The following BCR variants were observed in gnomAD, a reference collection of about 807,000 sequenced individuals.
BCR encodes the protein breakpoint cluster region protein.
BCR carries 58 observed loss-of-function variants against 138.6 expected under a neutral mutation model. That is an observed-to-expected ratio of 0.42 (90% CI 0.34 to 0.52). The LOEUF (loss-of-function observed/expected upper bound fraction) is 0.52. BCR is among the 20% of genes least tolerant of loss of function. BCR has a pLI of 0.06. For synonymous variants in BCR, 786 were observed against 730.1 expected, an observed-to-expected ratio of 1.08 and a Z score of -1.23; for missense variants, 1,599 against 1,727.2, an observed-to-expected ratio of 0.93 and a Z score of 1.32.
chr22:23,258,192 T>C (rs1376664156), intron 2 of BCR, among the ~76,000 whole-genome samples: 1 of 152,206 alleles, frequency 6.6e-6, no homozygotes, highest in African/African-American at 2.4e-5. Flanking sequence ...CCGGGCATGC[T>C]GACACCTCAT....
At chr22:23,263,458 T>A in intron 4 of BCR, 1 of 1,451,868 alleles carries the variant, frequency 6.9e-7, no homozygotes, top group South Asian at 1.1e-5. Flanking sequence ...GGGATTCTGC[T>A]GAAGTGGAGA....
intron 2 of BCR, among the ~76,000 whole-genome samples, chr22:23,259,213 G>A (rs562947288): frequency 6.6e-6 from 1 of 152,360 alleles, no homozygotes; most frequent in South Asian, 2.1e-4. Context: ...TAAAGAACAG[G>A]AGTTTATTTT....
intron 1 of BCR, among the ~76,000 whole-genome samples, chr22:23,197,447 ATTATTC>A (rs1364876987): frequency 1.3e-5 from 2 of 152,184 alleles, no homozygotes; most frequent in Non-Finnish European, 2.9e-5. Flanking sequence ...TTACATTTAT[ATTATTC>A]TTATTGTTGG....
chr22:23,197,559 C>G (rs994326989), intron 1 of BCR, among the ~76,000 whole-genome samples: 5 of 152,128 alleles, frequency 3.3e-5, no homozygotes, highest in African/African-American at 1.2e-4. Context: ...CAGAAAGTAG[C>G]AGGCTCTGGT....
rs753502630 is a variant in BCR at position 23,181,519 on chromosome 22, G to C, written c.559G>C (p.Gly187Arg). ...GAACGTCGAGTTTCACCACGAGCGC[G>C]GCCTGGTGAAGGTCAACGACAAAGA... ...YVNVEFHHERGLVKVNDKEVS... is the reference protein window; with the variant it reads ...YVNVEFHHERRLVKVNDKEVS... The change falls in exon 1 of 23, where the codon GGC (glycine) becomes CGC (arginine). Residue 187 changes from glycine (G) to arginine (R), a missense_variant. Around this residue, in one of 4 missense-constraint regions of BCR, gnomAD observed 806 missense variants for 635.0 expected, o/e 1.27. Transcript: ENST00000305877. 1.2e-6 allele frequency: 2 copies of C among 1,612,596 alleles called. No individual in the cohort carries two copies. Among genetic ancestry groups the C allele is most frequent in the Non-Finnish European group, 1.7e-6 (2 of 1,179,678 alleles).
chr22:23,284,233 C>T lies in BCR; in HGVS notation c.2237+135C>T. 11 of 1,342,850 alleles carry T rather than the reference C, an allele frequency of 8.2e-6. No individual in the cohort carries two copies. The South Asian group carries it at 1.5e-4, about 18-fold the overall frequency. The allele number at this position is 1,342,850 out of a possible 1,614,324, so 83.2% of individuals were successfully genotyped here. On this transcript the variant is annotated intron_variant, in intron 9 of 22. Transcript: ENST00000305877. ...GTTTCTACTTGGGCACAATGCCAGGCTCCAGGTTAAAGATTGTCACTAGCA... is the reference window on the plus strand; with the variant it reads ...GTTTCTACTTGGGCACAATGCCAGGTTCCAGGTTAAAGATTGTCACTAGCA...
chr22:23,186,704 G>A (rs1274842154), intron 1 of BCR, among the ~76,000 whole-genome samples: 3 of 152,144 alleles, frequency 2.0e-5, no homozygotes, highest in Non-Finnish European at 4.4e-5. Context: ...TCATCCATGT[G>A]ATGGCAGAAA....
At chr22:23,272,953 C>A in intron 6 of BCR, 128 bp from the exon 7 acceptor site, 1 of 973,964 alleles carries the variant, frequency 1.0e-6, no homozygotes, top group Non-Finnish European at 1.6e-6. Context: ...TGTCACTGCG[C>A]AGAGGGGAGA....
chr22:23,285,258 C>A, intron 10 of BCR, 57 bp downstream of exon 10: 2 of 1,535,042 alleles, frequency 1.3e-6, no homozygotes, highest in East Asian at 2.4e-5. Context: ...CAGCAGCCCC[C>A]GCACACGGCC....
intron 8 of BCR, among the ~76,000 whole-genome samples, chr22:23,279,622 TC>T (rs1405838473): frequency 6.6e-6 from 1 of 152,220 alleles, no homozygotes; most frequent in Non-Finnish European, 1.5e-5. Context: ...ACCTTGGTCT[TC>T]ACTTGGGCCG....
Position 23,315,416 on chromosome 22 carries a change from CT to C in BCR, c.3727-16del. The C allele has an allele frequency of 6.2e-7, 1 of 1,612,960 alleles. No homozygotes were observed. Among genetic ancestry groups the C allele is most frequent in the Non-Finnish European group, 8.5e-7 (1 of 1,179,250 alleles). On this transcript the variant is annotated splice_polypyrimidine_tract_variant and intron_variant, in intron 22 of 22. Transcript: ENST00000305877. ...CCGCTCTGAGCCACTCTTCTCTTCCCTACTCTGCCCGGGCAGGTCCAGGTGC... is the reference window on the plus strand; with the variant it reads ...CCGCTCTGAGCCACTCTTCTCTTCCCACTCTGCCCGGGCAGGTCCAGGTGC...
chr22:23,291,462 C>T (rs1258600061), intron 14 of BCR, among the ~76,000 whole-genome samples: 3 of 152,090 alleles, frequency 2.0e-5, no homozygotes, highest in East Asian at 3.9e-4. Flanking sequence ...ATAACATAAT[C>T]TTTCTCCTGG....
chr22:23,274,753 C>A (rs999447504), intron 8 of BCR, among the ~76,000 whole-genome samples: 2 of 151,888 alleles, frequency 1.3e-5, no homozygotes, highest in South Asian at 2.1e-4. Context: ...ACTAAAAATA[C>A]AAAAATTAAC....
chr22:23,183,508 A>ACCTG (rs989765378), intron 1 of BCR, among the ~76,000 whole-genome samples: 26 of 152,218 alleles, frequency 1.7e-4, no homozygotes, highest in African/African-American at 6.0e-4. Flanking sequence ...CACGGCTCCG[A>ACCTG]CCTGCCGTCT....
intron 4 of BCR, chr22:23,264,470 C>A (rs2073413672): frequency 1.6e-6 from 1 of 608,890 alleles, no homozygotes; most frequent in African/African-American, 1.8e-5. Context: ...TGCTCCTGGG[C>A]CTGTGACCCC....
intron 19 of BCR, 81 bp downstream of exon 19, chr22:23,311,917 A>G (rs2074012259): frequency 6.4e-7 from 1 of 1,561,836 alleles, no homozygotes; most frequent in South Asian, 1.2e-5. Flanking sequence ...TCCATGGCCC[A>G]GGCATGTCAC....
At chr22:23,257,479 G>A (rs1022480739) in intron 2 of BCR, among the ~76,000 whole-genome samples, 8 of 152,260 alleles carry the variant, frequency 5.3e-5, no homozygotes, top group Non-Finnish European at 7.3e-5. Context: ...CCTACAGGCC[G>A]CCTGGTACTC....
chr22:23,189,813 C>T (rs181403261), intron 1 of BCR, among the ~76,000 whole-genome samples: 1 of 152,046 alleles, frequency 6.6e-6, no homozygotes, highest in South Asian at 2.1e-4. Flanking sequence ...CCCTCTCAGT[C>T]TTAAGACTGA....
At chr22:23,204,717 C>T (rs2072592516) in intron 1 of BCR, among the ~76,000 whole-genome samples, 1 of 152,198 alleles carries the variant, frequency 6.6e-6, no homozygotes, top group African/African-American at 2.4e-5. Context: ...AGGACTGGAA[C>T]AGATTTCAGA....
Sources: gnomAD v4.1 joint callset for allele counts (sites outside exome capture counted in the v4.1 genomes callset) on GRCh38, gnomAD v4.1.1 for gene constraint, gnomAD v4.1.1 regional missense constraint, MANE v1.5 for transcripts, NCBI Gene and HGNC (gene_info 2026-07-23, HGNC 2026-07-21) for gene names.